UNC13C: variants seen among roughly 807,000 people sequenced by gnomAD.
The protein encoded by UNC13C is unc-13 homolog C.
Under a neutral mutation model 245.4 loss-of-function variants are expected in UNC13C, and 174 were observed. The ratio of observed to expected loss-of-function variants is 0.71; its 90% CI spans 0.63 to 0.80. UNC13C has a LOEUF of 0.80. Ranked by LOEUF, UNC13C falls within the 30% of genes least tolerant of loss-of-function variation. The pLI is 0.00. For synonymous variants in UNC13C, 992 were observed against 895.1 expected (o/e 1.11, Z -1.93); for missense variants, 2,829 against 2,602.9 (o/e 1.09, Z -1.89).
intron 13 of UNC13C, among the ~76,000 whole-genome samples, chr15:54,303,937 A>G (rs532918824): frequency 6.6e-6 from 1 of 152,122 alleles, no homozygotes; most frequent in South Asian, 2.1e-4. Context: ...AATATTTTGA[A>G]TATTTATTTG....
At chr15:54,003,987 G>C (rs1456848923) in intron 1 of UNC13C, among the ~76,000 whole-genome samples, 1 of 152,128 alleles carries the variant, frequency 6.6e-6, no homozygotes, top group Non-Finnish European at 1.5e-5. Flanking sequence ...CTCCAGCCTG[G>C]GCGACAGAGT....
At chr15:54,007,271 G>T (rs1034034572) in intron 1 of UNC13C, among the ~76,000 whole-genome samples, 1 of 152,112 alleles carries the variant, frequency 6.6e-6, no homozygotes, top group Admixed American at 6.6e-5. Flanking sequence ...TAAGACTAAG[G>T]TTATTCTATT....
intron 14 of UNC13C, among the ~76,000 whole-genome samples, chr15:54,328,530 C>T (rs1341277533): frequency 6.6e-6 from 1 of 152,090 alleles, no homozygotes; most frequent in African/African-American, 2.4e-5. Flanking sequence ...AGAGCTTAAG[C>T]ATCATTAGCT....
chr15:54,483,504 T>C (rs1893239233), intron 19 of UNC13C, among the ~76,000 whole-genome samples: 1 of 152,184 alleles, frequency 6.6e-6, no homozygotes, highest in Non-Finnish European at 1.5e-5. Context: ...TTCTTTTCTT[T>C]TCTTTTTTTT....
chr15:54,199,539 A>G (rs533560184), intron 4 of UNC13C, among the ~76,000 whole-genome samples: 8 of 152,000 alleles, frequency 5.3e-5, no homozygotes, highest in African/African-American at 1.9e-4. Context: ...CCTATTTTTG[A>G]CCTCCTTAAA....
chr15:53,976,920 T>A (rs1893726585), upstream of UNC13C: 1 of 152,220 alleles, frequency 6.6e-6, no homozygotes, highest in Non-Finnish European at 1.5e-5. Flanking sequence ...TTGGCTAGCA[T>A]GAGTTTTTCT....
intron 17 of UNC13C, among the ~76,000 whole-genome samples, chr15:54,372,288 TTA>T (rs1434858853): frequency 6.6e-5 from 10 of 152,128 alleles, no homozygotes; most frequent in African/African-American, 2.2e-4. Context: ...GAGCTTTATC[TTA>T]TACTTGTTTT....
the UNC13C span, among the ~76,000 whole-genome samples, chr15:53,878,528 C>T: frequency 6.6e-6 from 1 of 152,136 alleles, no homozygotes; most frequent in African/African-American, 2.4e-5. Flanking sequence ...CTCTGCATGG[C>T]CATAAGGGCC....
At chr15:54,124,911 C>G (rs886738267) in intron 2 of UNC13C, among the ~76,000 whole-genome samples, 1 of 152,050 alleles carries the variant, frequency 6.6e-6, no homozygotes, top group Non-Finnish European at 1.5e-5. Flanking sequence ...CATTGAATTG[C>G]TTTTGAATCT....
chr15:54,547,689 CCAGA>C (rs965075708), intron 27 of UNC13C, among the ~76,000 whole-genome samples: 5 of 152,192 alleles, frequency 3.3e-5, no homozygotes, highest in East Asian at 3.9e-4. Flanking sequence ...TGATTTACTG[CCAGA>C]CAGTGAGTGA....
At chr15:54,322,197 G>C (rs749138711) in intron 14 of UNC13C, 102 bp downstream of exon 14, 7 of 1,169,238 alleles carry the variant, frequency 6.0e-6, no homozygotes, top group Non-Finnish European at 8.1e-6. Flanking sequence ...ATTGCAGAAA[G>C]GACATTTTAG....
intron 4 of UNC13C, among the ~76,000 whole-genome samples, chr15:54,189,257 T>C (rs898246711): frequency 3.9e-5 from 6 of 152,162 alleles, no homozygotes; most frequent in Non-Finnish European, 8.8e-5. Context: ...CAGATAAATA[T>C]TCCCTGGGCA....
chr15:54,226,796 G>A (rs887155678), intron 4 of UNC13C, among the ~76,000 whole-genome samples: 1 of 152,170 alleles, frequency 6.6e-6, no homozygotes, highest in African/African-American at 2.4e-5. Context: ...GGCTTGCGCT[G>A]TAGGCACCTG....
At chr15:53,845,823 A>C in the UNC13C span, among the ~76,000 whole-genome samples, 1 of 152,182 alleles carries the variant, frequency 6.6e-6, no homozygotes, top group African/African-American at 2.4e-5. Context: ...TGGCAGACCC[A>C]ATTGACACTT....
chr15:54,203,484 G>GTA lies in UNC13C; in HGVS notation c.3072-31527_3072-31526dup, dbSNP rs576221587. On this transcript the variant is annotated intron_variant, in intron 4 of 32. Coordinates refer to ENST00000260323, the MANE Select transcript of UNC13C (RefSeq NM_001080534.3). The stretch of plus-strand genomic sequence containing the variant: ...GTAGTGTGTGTGTATATGTGTGTGT[G>GTA]TATATATATATATATATATACACAC... 3.2e-3 allele frequency among the ~76,000 whole-genome samples: 450 copies of GTA among 139,760 alleles called. 4 individuals are homozygous for GTA. Among genetic ancestry groups the GTA allele is most frequent in the African/African-American group, 9.8e-3 (381 of 38,854 alleles). 91.7% of individuals were successfully genotyped at this position (139,760 alleles called of 152,430 possible).
intron 2 of UNC13C, among the ~76,000 whole-genome samples, chr15:54,064,810 A>G (rs1898001139): frequency 6.6e-6 from 1 of 152,178 alleles, no homozygotes; most frequent in Non-Finnish European, 1.5e-5. Flanking sequence ...TGTACTTCCC[A>G]AAATATTAGA....
rs952065473 is a variant in UNC13C at position 54,477,152 on chromosome 15, T to G, written c.4934-17456T>G. Reference sequence around the variant, plus strand: ...AAGAATGCTTGTGATTTTTGTACATTGATTTTGTATCCTGAGACTTTGCTG... The same window carrying G: ...AAGAATGCTTGTGATTTTTGTACATGGATTTTGTATCCTGAGACTTTGCTG... On this transcript the variant is annotated intron_variant, in intron 19 of 32. Transcript: ENST00000260323. Among the ~76,000 whole-genome samples the G allele has an allele frequency of 2.9e-4, 34 of 116,038 alleles. 3 individuals carry two copies. The highest frequency in any genetic ancestry group is 1.0e-3 in the African/African-American group (30 of 29,798). The allele number at this position is 116,038 out of a possible 152,430, so 76.1% of individuals were successfully genotyped here. A position where few individuals can be genotyped will look rare whatever the true frequency, so the allele number is the denominator to read the frequency against.
At chr15:54,451,475 A>C (rs1241685765) in intron 19 of UNC13C, among the ~76,000 whole-genome samples, 2 of 152,068 alleles carry the variant, frequency 1.3e-5, no homozygotes, top group African/African-American at 4.8e-5. Context: ...CTTTTTAAAA[A>C]AATTGTCTGA....
intron 30 of UNC13C, among the ~76,000 whole-genome samples, chr15:54,578,303 T>G (rs1898047345): frequency 6.6e-6 from 1 of 151,360 alleles, no homozygotes; most frequent in African/African-American, 2.4e-5. Context: ...TAGTGTTTCT[T>G]TCATTTTTTG....
Sources: gnomAD v4.1 joint callset for allele counts (sites outside exome capture counted in the v4.1 genomes callset) on GRCh38, gnomAD v4.1.1 for gene constraint, MANE v1.5 for transcripts, NCBI Gene and HGNC (gene_info 2026-07-23, HGNC 2026-07-21) for gene names.